Variants in DENND4A observed in about 807,000 individuals in gnomAD.
DENND4A encodes DENN domain containing 4A, also known as C-myc promoter-binding protein.
A neutral mutation model predicts 199.3 loss-of-function variants in DENND4A; 70 were observed. The ratio of observed to expected loss-of-function variants is 0.35; its 90% CI spans 0.29 to 0.43. The LOEUF is 0.43. Ranked by LOEUF, DENND4A falls within the 20% of genes least tolerant of loss-of-function variation. The probability of loss-of-function intolerance (pLI) is 1.00; values close to 1 mark genes in which losing one functional copy is unlikely to be tolerated. For synonymous variants in DENND4A, 686 were observed against 766.9 expected (o/e 0.89, Z 1.74); for missense variants, 1,723 against 2,255.8 (o/e 0.76, Z 4.78).
chr15:65,771,326 C>G, intron 1 of DENND4A: 1 of 1,587,436 alleles, frequency 6.3e-7, no homozygotes, highest in South Asian at 1.1e-5. Context: ...GCAGTTATTT[C>G]GAATATTAGT....
chr15:65,722,809 C>A, intron 12 of DENND4A, 39 bp downstream of exon 12: 1 of 1,441,538 alleles, frequency 6.9e-7, no homozygotes, highest in Non-Finnish European at 9.3e-7. Flanking sequence ...GTCCCTTTTT[C>A]AGATTAAATT....
chr15:65,660,541 C>T lies in DENND4A; in HGVS notation c.*1310G>A. The stretch of plus-strand genomic sequence containing the variant: ...ATTGAAAATCTATAACTAATTCTAG[C>T]AGCCAAAAGATGTTTTTCCTTACCA... On this transcript the variant is annotated 3_prime_UTR_variant, in exon 33 of 33. Coordinates refer to ENST00000443035, the MANE Select transcript of DENND4A (RefSeq NM_001320835.1). 1 of 398,592 alleles carries T rather than the reference C, an allele frequency of 2.5e-6. No homozygotes were observed. The allele number at this position is 398,592 out of a possible 1,614,324, so 24.7% of individuals were successfully genotyped here.
intron 23 of DENND4A, among the ~76,000 whole-genome samples, chr15:65,688,121 C>G (rs1024596405): frequency 6.6e-6 from 1 of 152,106 alleles, no homozygotes; most frequent in African/African-American, 2.4e-5. Flanking sequence ...ATTTCTATTA[C>G]TGTATCTTTA....
chr15:65,752,310 A>ATTTTTTTTT, intron 4 of DENND4A, 69 bp downstream of exon 4: 8 of 540,248 alleles, frequency 1.5e-5, no homozygotes, highest in Non-Finnish European at 2.1e-5. Context: ...AAAAAAAAAA[A>ATTTTTTTTT]AAAGATGTAT....
chr15:65,681,508 T>C (rs2076572582), intron 23 of DENND4A, among the ~76,000 whole-genome samples: 1 of 152,144 alleles, frequency 6.6e-6, no homozygotes, highest in African/African-American at 2.4e-5. Flanking sequence ...AATACTAGCA[T>C]GAAAACAATA....
intron 1 of DENND4A, among the ~76,000 whole-genome samples, chr15:65,775,195 A>T (rs144291166): frequency 0.012 from 1,797 of 152,166 alleles, 47 homozygotes; most frequent in African/African-American, 0.042. Context: ...AAATTTTTTT[A>T]ATTAGCTGGG....
At chr15:65,787,860 T>C (rs1211835155) in intron 1 of DENND4A, among the ~76,000 whole-genome samples, 2 of 152,148 alleles carry the variant, frequency 1.3e-5, no homozygotes, top group African/African-American at 4.8e-5. Flanking sequence ...TCTCAGTAAC[T>C]AGCAAATTAT....
intron 9 of DENND4A, 142 bp downstream of exon 9, chr15:65,731,500 A>G (rs995401466): frequency 1.5e-5 from 11 of 738,964 alleles, no homozygotes; most frequent in African/African-American, 1.4e-4. Context: ...CAACCCAAAC[A>G]TTAAGTAAAA....
chr15:65,691,611 G>A, intron 22 of DENND4A, 100 bp from the exon 23 acceptor site: 5 of 1,226,282 alleles, frequency 4.1e-6, no homozygotes, highest in Non-Finnish European at 5.5e-6. Flanking sequence ...ATAATAGCAA[G>A]CACTCACTGA....
chr15:65,682,116 A>C (rs1245676965), intron 23 of DENND4A, among the ~76,000 whole-genome samples: 1 of 152,140 alleles, frequency 6.6e-6, no homozygotes, highest in Non-Finnish European at 1.5e-5. Context: ...ATTTAACATC[A>C]CCAGCTACAC....
rs2075791552 is a variant in DENND4A at position 65,659,502 on chromosome 15, AT to A, written c.*2348del. The A allele has an allele frequency of 6.6e-6, 1 of 150,914 alleles. No homozygotes were observed. The allele number at this position is 150,914 out of a possible 1,614,324, so 9.3% of individuals were successfully genotyped here. A position where few individuals can be genotyped will look rare whatever the true frequency, so the allele number is the denominator to read the frequency against. ...AAGCATGAGCCACCATACCGAGCAA[AT>A]TTAAAAAATTTTTTTGTAGAGACAG... On this transcript the variant is annotated 3_prime_UTR_variant, in exon 33 of 33. Transcript: ENST00000443035.
chr15:65,707,142 C>T (rs1218469792), intron 14 of DENND4A, among the ~76,000 whole-genome samples: 4 of 151,972 alleles, frequency 2.6e-5, no homozygotes, highest in East Asian at 1.9e-4. Context: ...ACATCAATAT[C>T]GAAAGCACTT....
In DENND4A at chr15:65,702,955, A is replaced by C. The variant is rs760952259; in HGVS notation, c.2141T>G (p.Phe714Cys). The change falls in exon 16 of 33, where the codon TTT (phenylalanine) becomes TGT (cysteine). Residue 714 changes from phenylalanine to cysteine, a missense_variant. Physicochemically the swap from Phe to Cys is radical, Grantham distance 205. Coordinates refer to ENST00000443035, the MANE Select transcript of DENND4A (RefSeq NM_001320835.1). ...CAATTTGTTCTTCTTTGCTTGTAGA[A>C]ATCCTTCAGGTCTTTCAAATAAATT... Reference protein sequence around the residue: ...RNNLFERPEGFLQAKKNKLPS... With the variant: ...RNNLFERPEGCLQAKKNKLPS... The C allele has an allele frequency of 4.3e-6, 7 of 1,613,172 alleles. No individual in the cohort carries two copies. Among genetic ancestry groups the C allele is most frequent in the Non-Finnish European group, 5.1e-6 (6 of 1,179,530 alleles).
chr15:65,695,996 C>T (rs1279141902), intron 22 of DENND4A, among the ~76,000 whole-genome samples: 1 of 152,028 alleles, frequency 6.6e-6, no homozygotes. Context: ...CCTTTTGCCT[C>T]TGGAAAAACA....
chr15:65,669,287 A>C (rs1014774518), intron 27 of DENND4A, among the ~76,000 whole-genome samples: 32 of 152,236 alleles, frequency 2.1e-4, no homozygotes, highest in African/African-American at 7.5e-4. Flanking sequence ...AATGGAATTG[A>C]TTTCTGCATC....
chr15:65,750,114 T>C (rs950492511), intron 4 of DENND4A, among the ~76,000 whole-genome samples: 1 of 152,084 alleles, frequency 6.6e-6, no homozygotes, highest in Non-Finnish European at 1.5e-5. Flanking sequence ...ATATCAGAAA[T>C]ATAAAGAAAT....
chr15:65,696,496 C>T lies in DENND4A; in HGVS notation c.2952G>A (p.Leu984=), dbSNP rs751494542. The change falls in exon 22 of 33, where the codon TTG becomes TTA. Residue 984 remains leucine (L), a splice_region_variant and synonymous_variant. Coordinates refer to ENST00000443035, the MANE Select transcript of DENND4A (RefSeq NM_001320835.1). ...KDKKGSDCSS[L]SESESTKGSA... is the part of the protein sequence containing the mutation. Reference sequence around the variant, plus strand: ...TTCCTTTTGTACTCTCACTCTCTGACACTGTAAAGATGAAAATGAAAATGT... The same window carrying T: ...TTCCTTTTGTACTCTCACTCTCTGATACTGTAAAGATGAAAATGAAAATGT... 2.5e-6 allele frequency: 4 copies of T among 1,607,644 alleles called. No homozygotes were observed. The highest frequency in any genetic ancestry group is 3.4e-6 in the Non-Finnish European group (4 of 1,175,784).
intron 3 of DENND4A, 99 bp downstream of exon 3, chr15:65,756,041 C>T: frequency 9.7e-7 from 1 of 1,031,976 alleles, no homozygotes; most frequent in Middle Eastern, 3.0e-4. Context: ...TCTAAATCTG[C>T]CATACATCTA....
chr15:65,687,165 C>T (rs868331819), intron 23 of DENND4A, among the ~76,000 whole-genome samples: 2 of 152,184 alleles, frequency 1.3e-5, no homozygotes, highest in Middle Eastern at 3.4e-3. Flanking sequence ...CTACATCTCA[C>T]TGTATTTTTT....
Sources: gnomAD v4.1 joint callset for allele counts (sites outside exome capture counted in the v4.1 genomes callset) on GRCh38, gnomAD v4.1.1 for gene constraint, MANE v1.5 for transcripts, NCBI Gene and HGNC (gene_info 2026-07-23, HGNC 2026-07-21) for gene names.